MBOAT2: variants seen among roughly 807,000 people sequenced by gnomAD.
MBOAT2 encodes the protein membrane bound glycerophospholipid O-acyltransferase 2.
A neutral mutation model predicts 63.4 loss-of-function variants in MBOAT2; 28 were observed. The observed-to-expected ratio is 0.44, with a 90% CI of 0.33 to 0.61. The LOEUF is 0.61. Among genes scored for constraint, MBOAT2 ranks in the 20% least tolerant of loss-of-function variants. MBOAT2 has a pLI of 0.03. For missense variants in MBOAT2, 470 were observed against 605.8 expected (o/e 0.78, Z 2.35); for synonymous variants, 211 against 215.6 (o/e 0.98, Z 0.19).
At chr2:8,974,489 G>C (rs929156958) in intron 1 of MBOAT2, 8 of 453,826 alleles carry the variant, frequency 1.8e-5, no homozygotes, top group African/African-American at 1.4e-4. Context: ...CCCAGGCCTT[G>C]ATGAGGTTGC....
At chr2:8,945,454 G>A (rs1449855951) in intron 2 of MBOAT2, among the ~76,000 whole-genome samples, 6 of 152,080 alleles carry the variant, frequency 3.9e-5, no homozygotes, top group Non-Finnish European at 5.9e-5. Context: ...TATCTAGCAC[G>A]TAGTAAGCAC....
intron 11 of MBOAT2, among the ~76,000 whole-genome samples, chr2:8,861,847 A>C (rs543191563): frequency 5.1e-4 from 78 of 152,300 alleles, no homozygotes; most frequent in Middle Eastern, 3.4e-3. Context: ...ATCCCAAATT[A>C]GACTACAAAC....
At chr2:8,904,300 G>T (rs1446624712) in intron 4 of MBOAT2, among the ~76,000 whole-genome samples, 2 of 148,710 alleles carry the variant, frequency 1.3e-5, no homozygotes, top group African/African-American at 5.1e-5. Context: ...AATACTGAAG[G>T]TTGTTTTTAT....
At chr2:8,866,724 C>G (rs1324247656) in intron 9 of MBOAT2, among the ~76,000 whole-genome samples, 2 of 152,206 alleles carry the variant, frequency 1.3e-5, no homozygotes, top group Non-Finnish European at 2.9e-5. Context: ...TGGCCAAAGC[C>G]TCTTTTAATC....
At chr2:8,962,198 C>T (rs1028143001) in intron 1 of MBOAT2, among the ~76,000 whole-genome samples, 14 of 152,178 alleles carry the variant, frequency 9.2e-5, no homozygotes, top group African/African-American at 3.4e-4. Flanking sequence ...CTATTATCTC[C>T]ATTTACCGAG....
chr2:8,917,983 G>A (rs548689877), intron 3 of MBOAT2, among the ~76,000 whole-genome samples: 16 of 152,340 alleles, frequency 1.1e-4, no homozygotes, highest in Admixed American at 2.6e-4. Context: ...ATTACATAAT[G>A]TATGATTCCG....
chr2:8,950,581 C>A (rs1668757759), intron 2 of MBOAT2, among the ~76,000 whole-genome samples: 1 of 152,172 alleles, frequency 6.6e-6, no homozygotes, highest in Admixed American at 6.5e-5. Flanking sequence ...GCGCCTGCCA[C>A]CATGCCTGGC....
chr2:8,933,196 T>C (rs1667442891), intron 3 of MBOAT2, among the ~76,000 whole-genome samples: 1 of 152,222 alleles, frequency 6.6e-6, no homozygotes, highest in Non-Finnish European at 1.5e-5. Context: ...TTTCTAGAAG[T>C]ACCCAAAGGC....
intron 3 of MBOAT2, among the ~76,000 whole-genome samples, chr2:8,941,750 C>T (rs1197218758): frequency 6.6e-6 from 1 of 152,086 alleles, no homozygotes; most frequent in East Asian, 1.9e-4. Flanking sequence ...GCACTAGTGG[C>T]TGTCATACTC....
intron 4 of MBOAT2, among the ~76,000 whole-genome samples, chr2:8,891,905 T>C (rs1026454402): frequency 6.6e-6 from 1 of 152,238 alleles, no homozygotes; most frequent in Non-Finnish European, 1.5e-5. Context: ...TGGGAAAATA[T>C]GAAATATAAC....
intron 2 of MBOAT2, among the ~76,000 whole-genome samples, chr2:8,950,154 C>G (rs1668726572): frequency 6.6e-6 from 1 of 152,060 alleles, no homozygotes; most frequent in African/African-American, 2.4e-5. Flanking sequence ...CTGCTGATTT[C>G]TATACATCGA....
chr2:8,971,622 C>G (rs1263451222), intron 1 of MBOAT2, among the ~76,000 whole-genome samples: 9 of 152,264 alleles, frequency 5.9e-5, no homozygotes, highest in Non-Finnish European at 1.2e-4. Context: ...AAAACCCCAT[C>G]GTCTCAGCCC....
rs1046274963 is a variant in MBOAT2 at position 8,857,488 on chromosome 2, A to T, written c.*1191T>A. ...AGAACCTAAAACTCATTTTAGTAAG[A>T]GTTCACAGCAAAATTTTAATGTGAG... On this transcript the variant is annotated 3_prime_UTR_variant, in exon 13 of 13. Transcript: ENST00000305997. 3 of 152,242 alleles carry T rather than the reference A, an allele frequency of 2.0e-5. No homozygotes were observed. The highest frequency in any genetic ancestry group is 4.4e-5 in the Non-Finnish European group (3 of 68,044). 9.4% of individuals were successfully genotyped at this position (152,242 alleles called of 1,614,324 possible). A position where few individuals can be genotyped will look rare whatever the true frequency, so the allele number is the denominator to read the frequency against.
chr2:8,871,334 G>A (rs1662314686), intron 8 of MBOAT2, among the ~76,000 whole-genome samples: 1 of 152,024 alleles, frequency 6.6e-6, no homozygotes, highest in African/African-American at 2.4e-5. Context: ...TATTTACAGA[G>A]ATCTTGTGAT....
At chr2:8,938,662 C>T (rs1667836238) in intron 3 of MBOAT2, among the ~76,000 whole-genome samples, 1 of 151,446 alleles carries the variant, frequency 6.6e-6, no homozygotes, top group Non-Finnish European at 1.5e-5. Context: ...CATGCCACCA[C>T]ATTTCATGCC....
chr2:8,990,083 A>G (rs191810916), intron 1 of MBOAT2, among the ~76,000 whole-genome samples: 1 of 152,298 alleles, frequency 6.6e-6, no homozygotes, highest in Admixed American at 6.5e-5. Context: ...TTCATTTGCT[A>G]TATCATCAAA....
intron 4 of MBOAT2, among the ~76,000 whole-genome samples, chr2:8,893,450 C>T (rs951249864): frequency 3.3e-5 from 5 of 152,170 alleles, no homozygotes; most frequent in Non-Finnish European, 7.3e-5. Flanking sequence ...TTTCTCAAAA[C>T]GGTTACCTAT....
chr2:8,974,614 A>G (rs939202779), intron 1 of MBOAT2, among the ~76,000 whole-genome samples: 4 of 152,286 alleles, frequency 2.6e-5, no homozygotes, highest in East Asian at 1.9e-4. Flanking sequence ...AAACAATGGC[A>G]GCCTCTGAGG....
In MBOAT2 at chr2:8,860,528, G is replaced by A. The variant is rs904123421; in HGVS notation, c.1337+85C>T. 1.7e-5 allele frequency: 23 copies of A among 1,376,744 alleles called. No homozygotes were observed. The Admixed American group carries it at 1.9e-4, about 11-fold the overall frequency. 85.3% of individuals were successfully genotyped at this position (1,376,744 alleles called of 1,614,324 possible). On this transcript the variant is annotated intron_variant, in intron 12 of 12. Transcript: ENST00000305997. ...CAGCAGGAAATGTGGCTATGGTACT[G>A]TTTTTCTATTCTATCCAATAGCAAG...
Sources: gnomAD v4.1 joint callset for allele counts (sites outside exome capture counted in the v4.1 genomes callset) on GRCh38, gnomAD v4.1.1 for gene constraint, MANE v1.5 for transcripts, NCBI Gene and HGNC (gene_info 2026-07-23, HGNC 2026-07-21) for gene names.